The following TMF1 variants were observed in gnomAD, a reference collection of about 807,000 sequenced individuals.
TMF1 encodes the protein TATA element modulatory factor 1.
Under a neutral mutation model 126.5 loss-of-function variants are expected in TMF1, and 71 were observed. That is an observed-to-expected ratio of 0.56 (90% CI 0.46 to 0.68). TMF1 has a LOEUF of 0.68. TMF1 is among the 30% of genes least tolerant of loss of function. The pLI is 0.00. For synonymous variants in TMF1, 461 were observed against 430.5 expected (o/e 1.07, Z -0.88); for missense variants, 1,259 against 1,253.2 (o/e 1.00, Z -0.07).
In TMF1 at chr3:69,029,834, G is replaced by A; in HGVS notation, c.2575C>T (p.Leu859=). Residue 859 remains leucine, a synonymous_variant, in exon 11 of 17, where the codon CTG becomes TTG. Coordinates refer to ENST00000398559, the MANE Select transcript of TMF1 (RefSeq NM_007114.3). ...LESEKNRLCK[L]EDENNRYQVE... ...GCTCACCTATTGTTCTCATCCTCCA[G>A]TTTACACAGCCTATTTTTCTCTGAT... The A allele has an allele frequency of 1.2e-6, 2 of 1,612,612 alleles. No individual in the cohort carries two copies.
chr3:69,033,312 C>CATGGA (rs1361883493), intron 10 of TMF1, among the ~76,000 whole-genome samples: 2 of 145,858 alleles, frequency 1.4e-5, no homozygotes, highest in Non-Finnish European at 3.0e-5. Flanking sequence ...GAAAGAATGA[C>CATGGA]ATGGAAGTAC....
intron 1 of TMF1, among the ~76,000 whole-genome samples, chr3:69,050,259 C>CAAAAAAAA (rs561794015): frequency 4.2e-4 from 30 of 71,694 alleles, no homozygotes; most frequent in Admixed American, 1.4e-3. Context: ...GACTGTGTCT[C>CAAAAAAAA]AAAAAAAAAA....
Position 69,043,790 on chromosome 3 carries a change from T to C in TMF1, c.1538A>G (p.Lys513Arg). ...FTQRIAEAEKKVQLACKERDA... is the reference protein window; with the variant it reads ...FTQRIAEAEKRVQLACKERDA... ...TCTCTCTTTGCAGGCTAGTTGAACT[T>C]TCTTTTCTGCTTCTGCAATTCTTTG... is the stretch of plus-strand genomic sequence containing the variant. Residue 513 changes from lysine to arginine, a missense_variant, in exon 4 of 17, where the codon AAA becomes AGA. By Grantham distance (26) the Lys-to-Arg change is conservative. Coordinates refer to ENST00000398559, the MANE Select transcript of TMF1 (RefSeq NM_007114.3). The C allele has an allele frequency of 1.2e-6, 2 of 1,612,564 alleles. No individual in the cohort carries two copies. Among genetic ancestry groups the C allele is most frequent in the Non-Finnish European group, 1.7e-6 (2 of 1,179,376 alleles).
rs1228397001 is a variant in TMF1, at chr3:69,025,595, G to A, written c.2977C>T (p.Leu993=). 2 of 1,613,806 alleles carry A rather than the reference G, an allele frequency of 1.2e-6. No homozygotes were observed. Among genetic ancestry groups the A allele is most frequent in the South Asian group, 2.2e-5 (2 of 91,024 alleles). The change falls in exon 15 of 17, where the codon CTA becomes TTA. Residue 993 remains leucine (L), a synonymous_variant. Coordinates refer to ENST00000398559, the MANE Select transcript of TMF1 (RefSeq NM_007114.3). ...SSIIENLQSQ[L]KLREGEITHL... is the part of the protein sequence containing the mutation. ...GTGATTTCCCCTTCCCTTAGCTTTAGCTGAGACTGTAGGTTTTCAATTATG... is the reference window on the plus strand; with the variant it reads ...GTGATTTCCCCTTCCCTTAGCTTTAACTGAGACTGTAGGTTTTCAATTATG...
intron 10 of TMF1, among the ~76,000 whole-genome samples, chr3:69,030,996 G>T (rs770904242): frequency 2.6e-5 from 4 of 152,184 alleles, no homozygotes; most frequent in Non-Finnish European, 4.4e-5. Context: ...GAATCAGCCT[G>T]GACGTCCCTT....
At chr3:69,046,011 G>A (rs1017378196) in intron 2 of TMF1, among the ~76,000 whole-genome samples, 9 of 151,976 alleles carry the variant, frequency 5.9e-5, no homozygotes, top group Non-Finnish European at 1.0e-4. Flanking sequence ...AGCCATGATC[G>A]CACCACTGCA....
chr3:69,028,177 C>A, intron 12 of TMF1, 49 bp downstream of exon 12: 1 of 1,495,560 alleles, frequency 6.7e-7, no homozygotes, highest in East Asian at 2.3e-5. Flanking sequence ...CATCCCCAAC[C>A]ATTCTCTAAT....
At chr3:69,042,434 A>C (rs2091871976) in intron 5 of TMF1, 1 of 461,704 alleles carries the variant, frequency 2.2e-6, no homozygotes, top group Non-Finnish European at 4.3e-6. Context: ...AGAAAAAGAC[A>C]ATATCATACA....
intron 8 of TMF1, 130 bp downstream of exon 8, chr3:69,038,434 C>T: frequency 1.0e-6 from 1 of 1,002,572 alleles, no homozygotes; most frequent in Non-Finnish European, 1.4e-6. Context: ...TTAAATTTAG[C>T]AGAATCCAGT....
At chr3:69,051,867 C>G in intron 1 of TMF1, 78 bp downstream of exon 1, 1 of 1,529,032 alleles carries the variant, frequency 6.5e-7, no homozygotes, top group South Asian at 1.2e-5. Flanking sequence ...AAGGACCCCT[C>G]TCTACACCAC....
Position 69,027,989 on chromosome 3 carries a change from A to G in TMF1, c.2668T>C (p.Leu890=). Residue 890 remains leucine, a synonymous_variant, in exon 13 of 17, where the codon TTG becomes CTG. Coordinates refer to ENST00000398559, the MANE Select transcript of TMF1 (RefSeq NM_007114.3). ...TCCATTTCTAACTGACTATTCAACAATGTCTAATAGAGAGAAATAAAGTTA... is the reference window on the plus strand; with the variant it reads ...TCCATTTCTAACTGACTATTCAACAGTGTCTAATAGAGAGAAATAAAGTTA... ...TLEETRKEKT[L]LNSQLEMERM... 3 of 1,538,204 alleles carry G rather than the reference A, an allele frequency of 2.0e-6. No homozygotes were observed. Among genetic ancestry groups the G allele is most frequent in the Non-Finnish European group, 2.7e-6 (3 of 1,114,580 alleles).
rs745945971 is a variant in TMF1 at position 69,048,288 on chromosome 3, A to T, written c.417T>A (p.Ile139=). The change falls in exon 2 of 17, where the codon ATT becomes ATA. Residue 139 remains isoleucine (I), a synonymous_variant. Coordinates refer to ENST00000398559, the MANE Select transcript of TMF1 (RefSeq NM_007114.3). ...TTGTTTCAGGAGTTCTTGACTGGCC[A>T]ATGTGCAAGGATTCATGTAAGCTGC... is the stretch of plus-strand genomic sequence containing the variant. ...VKSSLHESLH[I]GQSRTPETTE... The T allele has an allele frequency of 2.5e-6, 4 of 1,614,226 alleles. No homozygotes were observed. Among genetic ancestry groups the T allele is most frequent in the East Asian group, 2.2e-5 (1 of 44,888 alleles).
At chr3:69,046,659 T>C (rs2091897660) in intron 2 of TMF1, among the ~76,000 whole-genome samples, 1 of 152,226 alleles carries the variant, frequency 6.6e-6, no homozygotes, top group African/African-American at 2.4e-5. Flanking sequence ...AACTAGGACT[T>C]AATGTCAAAG....
In TMF1 at chr3:69,029,722, T is replaced by A. The variant is rs1029496783; in HGVS notation, c.2594+93A>T. The A allele has an allele frequency of 8.7e-6, 11 of 1,260,564 alleles. No individual in the cohort carries two copies. The African/African-American group carries it at 1.7e-4, about 19-fold the overall frequency. The allele number at this position is 1,260,564 out of a possible 1,614,324, so 78.1% of individuals were successfully genotyped here. On this transcript the variant is annotated intron_variant, in intron 11 of 16. Transcript: ENST00000398559. Reference sequence around the variant, plus strand: ...TCCCAATGTGCTGGGATTACAGGCGTGAGCCACGGCGCCCGGCCCAACAAC... The same window carrying A: ...TCCCAATGTGCTGGGATTACAGGCGAGAGCCACGGCGCCCGGCCCAACAAC...
chr3:69,047,505 T>G lies in TMF1; in HGVS notation c.1200A>C (p.Ala400=). ...CAGGCTGTTCACAGTTAACAGGAGT[T>G]GCACTTCGTCCACTTTCTTCCATTT... is the stretch of plus-strand genomic sequence containing the variant. ...EAEMEESGRS[A]TPVNCEQPDI... The change falls in exon 2 of 17, where the codon GCA becomes GCC. Residue 400 remains alanine, a synonymous_variant. Transcript: ENST00000398559. 1 of 1,614,248 alleles carries G rather than the reference T, an allele frequency of 6.2e-7. No individual in the cohort carries two copies. The highest frequency in any genetic ancestry group is 8.5e-7 in the Non-Finnish European group (1 of 1,180,044).
chr3:69,050,258 T>TC (rs1451088054), intron 1 of TMF1, among the ~76,000 whole-genome samples: 1 of 131,742 alleles, frequency 7.6e-6, no homozygotes, highest in Admixed American at 7.7e-5. Flanking sequence ...AGACTGTGTC[T>TC]CAAAAAAAAA....
rs932565455 is a variant in TMF1, at chr3:69,021,041, G to C, written c.*2136C>G. On this transcript the variant is annotated 3_prime_UTR_variant, in exon 17 of 17. Transcript: ENST00000398559. ...CTTATCCACGATTTTGCTTTCTGTGGTTTCGGTTACTCACGGTCAACCACA... is the reference window on the plus strand; with the variant it reads ...CTTATCCACGATTTTGCTTTCTGTGCTTTCGGTTACTCACGGTCAACCACA... The C allele has an allele frequency of 2.0e-5, 3 of 152,148 alleles. No homozygotes were observed. The highest frequency in any genetic ancestry group is 4.4e-5 in the Non-Finnish European group (3 of 68,008). 9.4% of individuals were successfully genotyped at this position (152,148 alleles called of 1,614,324 possible).
chr3:69,049,830 A>C (rs2091916321), intron 1 of TMF1, among the ~76,000 whole-genome samples: 1 of 152,222 alleles, frequency 6.6e-6, no homozygotes, highest in African/African-American at 2.4e-5. Context: ...TTTCTTTAAA[A>C]ATGTTTTCTT....
chr3:69,039,153 C>A, intron 6 of TMF1, 144 bp from the exon 7 acceptor site: 1 of 815,110 alleles, frequency 1.2e-6, no homozygotes, highest in Non-Finnish European at 1.8e-6. Context: ...GTGGAATGTT[C>A]TGGCTCACTG....
Sources: gnomAD v4.1 joint callset for allele counts (sites outside exome capture counted in the v4.1 genomes callset) on GRCh38, gnomAD v4.1.1 for gene constraint, MANE v1.5 for transcripts, NCBI Gene and HGNC (gene_info 2026-07-23, HGNC 2026-07-21) for gene names.